IGF2: variants seen among roughly 807,000 people sequenced by gnomAD.
IGF2 encodes the protein insulin-like growth factor 2.
A neutral mutation model predicts 12.0 loss-of-function variants in IGF2; 2 were observed. The ratio of observed to expected loss-of-function variants is 0.17; its 90% confidence interval spans 0.07 to 0.52. The LOEUF is 0.52. IGF2 is among the 20% of genes least tolerant of loss of function. The probability of loss-of-function intolerance (pLI) is 0.95; values close to 1 mark genes in which losing one functional copy is unlikely to be tolerated. For missense variants in IGF2, 211 were observed against 268.0 expected, an observed-to-expected ratio of 0.79 and a Z score of 1.48; for synonymous variants, 105 against 110.1, an observed-to-expected ratio of 0.95 and a Z score of 0.29.
the IGF2 span, chr11:2,147,767 C>A: frequency 2.4e-6 from 3 of 1,248,800 alleles, no homozygotes; most frequent in Non-Finnish European, 3.0e-6. This position sits in a 1 kb window ranked among gnomAD's most constrained non-coding sequence, Gnocchi z 7.2. Context: ...GGGCTGGAAT[C>A]CACCTCCTCC....
At chr11:2,137,846 G>A (rs1049226653) in intron 1 of IGF2, among the ~76,000 whole-genome samples, 1 of 152,240 alleles carries the variant, frequency 6.6e-6, no homozygotes, top group Admixed American at 6.5e-5. Context: ...GGGCTTCTGC[G>A]GCTCCGCGCC....
chr11:2,138,200 C>A, intron 1 of IGF2, 29 bp downstream of exon 1: 1 of 982,982 alleles, frequency 1.0e-6, no homozygotes, highest in Non-Finnish European at 1.2e-6. Flanking sequence ...CCAGCCCCGG[C>A]CCCGGCCCGG....
At chr11:2,149,339 G>C in the IGF2 span, 8 of 1,610,976 alleles carry the variant, frequency 5.0e-6, no homozygotes, top group East Asian at 1.6e-4. Flanking sequence ...GAGGGACAAA[G>C]CTGAGGCTGG....
intron 1 of IGF2, among the ~76,000 whole-genome samples, chr11:2,136,594 T>C (rs1859074194): frequency 6.6e-6 from 1 of 152,368 alleles, no homozygotes; most frequent in South Asian, 2.1e-4. Flanking sequence ...CAGCCTTCGC[T>C]CCGCAGACCC....
At chr11:2,134,222 A>G (rs1858827043) in intron 2 of IGF2, 2 of 464,396 alleles carry the variant, frequency 4.3e-6, no homozygotes, top group South Asian at 1.6e-5. Flanking sequence ...CCCCACAGCA[A>G]TGCTCAGCTG....
chr11:2,140,331 G>T (rs768467966), upstream of IGF2: 6 of 1,591,652 alleles, frequency 3.8e-6, no homozygotes, highest in East Asian at 9.2e-5. Context: ...AGAAAGCACT[G>T]TGATTTTTAC....
At chr11:2,138,099 C>G (rs925627275) in intron 1 of IGF2, 130 bp downstream of exon 1, 14 of 441,520 alleles carry the variant, frequency 3.2e-5, no homozygotes, top group South Asian at 9.5e-5. Context: ...CCTCCTCCCC[C>G]CCGGGCTCAG....
chr11:2,136,287 C>T (rs1435208033), intron 1 of IGF2, among the ~76,000 whole-genome samples: 2 of 152,256 alleles, frequency 1.3e-5, no homozygotes, highest in Admixed American at 6.5e-5. Flanking sequence ...CCCAGAGCCT[C>T]CTTTCCAGGC....
chr11:2,140,489 T>C, upstream of IGF2: 1 of 557,078 alleles, frequency 1.8e-6, no homozygotes, highest in Non-Finnish European at 3.0e-6. Context: ...TCGCCCGCGC[T>C]CCGCGCGCGC....
chr11:2,136,503 C>T (rs928507239), intron 1 of IGF2, among the ~76,000 whole-genome samples: 1 of 152,260 alleles, frequency 6.6e-6, no homozygotes, highest in Non-Finnish European at 1.5e-5. Flanking sequence ...GGTTAACCCA[C>T]TCGGGGGTGG....
chr11:2,136,302 A>G (rs1859044414), intron 1 of IGF2, among the ~76,000 whole-genome samples: 1 of 152,250 alleles, frequency 6.6e-6, no homozygotes, highest in African/African-American at 2.4e-5. Context: ...CCAGGCCTCA[A>G]ATCGAACCAG....
rs762205555 is a variant in IGF2 at position 2,131,497 on chromosome 11, CTG to C, written c.*1488_*1489del. The C allele has an allele frequency of 5.3e-5, 12 of 228,310 alleles. No homozygotes were observed. The highest frequency in any genetic ancestry group is 7.8e-5 in the Non-Finnish European group (9 of 115,898). The allele number at this position is 228,310 out of a possible 1,614,324, so 14.1% of individuals were successfully genotyped here. On this transcript the variant is annotated 3_prime_UTR_variant, in exon 4 of 4. Transcript: ENST00000416167. ...AACGTGTGTGCTGCGTGTTTGTGTG[CTG>C]TGAGCTGTGTTCATGTATGTGCTGC...
chr11:2,146,087 T>A (rs1163672372), upstream of IGF2, among the ~76,000 whole-genome samples: 1 of 152,094 alleles, frequency 6.6e-6, no homozygotes, highest in African/African-American at 2.4e-5. Context: ...TCCTCTCCAC[T>A]GGCAAACCCA....
In IGF2 at chr11:2,138,471, G is replaced by C. The variant is rs1485943084; in HGVS notation, c.-249C>G. 1 of 933,548 alleles carries C rather than the reference G, an allele frequency of 1.1e-6. No individual in the cohort carries two copies. Among genetic ancestry groups the C allele is most frequent in the African/African-American group, 1.9e-5 (1 of 54,014 alleles). The allele number at this position is 933,548 out of a possible 1,614,324, so 57.8% of individuals were successfully genotyped here. On this transcript the variant is annotated 5_prime_UTR_variant, in exon 1 of 4. Coordinates refer to ENST00000416167, the MANE Select transcript of IGF2 (RefSeq NM_000612.6). ...GGGCGGGCCAGATGTTGTACTTTTC[G>C]GGGGGGAAAAGGTATCGGGAAATGA...
the IGF2 span, chr11:2,149,256 C>T: frequency 6.2e-7 from 1 of 1,613,688 alleles, no homozygotes; most frequent in Non-Finnish European, 8.5e-7. Flanking sequence ...CCAATATTAG[C>T]AGTCACCACC....
chr11:2,140,871 C>G, upstream of IGF2: 1 of 363,216 alleles, frequency 2.8e-6, no homozygotes, highest in South Asian at 1.9e-5. Context: ...AAGCTGGAGG[C>G]TGCGTCCGCG....
In IGF2 at chr11:2,132,206, T is replaced by C. The variant is rs932496449; in HGVS notation, c.*781A>G. Reference sequence around the variant, plus strand: ...GCCAATTACATTTCATTTGCATGGATTTTGGTTTTCATGCTCTGTCCTCCC... The same window carrying C: ...GCCAATTACATTTCATTTGCATGGACTTTGGTTTTCATGCTCTGTCCTCCC... On this transcript the variant is annotated 3_prime_UTR_variant, in exon 4 of 4. Coordinates refer to ENST00000416167, the MANE Select transcript of IGF2 (RefSeq NM_000612.6). The C allele has an allele frequency of 2.4e-5, 5 of 205,690 alleles. No individual in the cohort carries two copies. Among genetic ancestry groups the C allele is most frequent in the Non-Finnish European group, 5.0e-5 (5 of 100,606 alleles). 12.7% of individuals were successfully genotyped at this position (205,690 alleles called of 1,614,324 possible).
upstream of IGF2, chr11:2,141,343 C>T (rs900035996): frequency 6.6e-6 from 1 of 152,228 alleles, no homozygotes; most frequent in African/African-American, 2.4e-5. Context: ...GAGGGGACCC[C>T]GGGGACTCCG....
chr11:2,139,421 G>A (rs1859378394), upstream of IGF2: 1 of 147,626 alleles, frequency 6.8e-6, no homozygotes, highest in African/African-American at 2.4e-5. Flanking sequence ...GGCTCTTATA[G>A]TCGCGCCAGC....
Sources: allele counts gnomAD v4.1 joint callset (sites outside exome capture counted in the v4.1 genomes callset), GRCh38; gene constraint gnomAD v4.1.1; non-coding constraint Gnocchi (gnomAD v3.1); transcripts MANE v1.5; gene names NCBI Gene and HGNC (gene_info 2026-07-23, HGNC 2026-07-21).